The following ANKRD33B variants were observed in gnomAD, a reference collection of about 807,000 sequenced individuals.
ANKRD33B encodes the protein ankyrin repeat domain 33B, also known as ankyrin repeat domain-containing protein 33B.
ANKRD33B carries 6 observed loss-of-function variants against 21.5 expected under a neutral mutation model. The observed-to-expected ratio is 0.28, with a 90% CI of 0.15 to 0.55. The LOEUF (loss-of-function observed/expected upper bound fraction) is 0.55. ANKRD33B is among the 20% of genes least tolerant of loss of function. ANKRD33B has a pLI of 0.94. For missense variants in ANKRD33B, 698 were observed against 747.2 expected, an observed-to-expected ratio of 0.93 and a Z score of 0.77; for synonymous variants, 347 against 342.4, an observed-to-expected ratio of 1.01 and a Z score of -0.15.
chr5:10,627,803 A>G (rs1458439241), intron 2 of ANKRD33B: 1 of 152,170 alleles, frequency 6.6e-6, no homozygotes. Context: ...GCGTTGCCTT[A>G]TCTTTTCCTG....
At chr5:10,603,211 G>A (rs1735969811) in intron 1 of ANKRD33B, among the ~76,000 whole-genome samples, 6 of 151,976 alleles carry the variant, frequency 3.9e-5, no homozygotes. Context: ...GAATCCACTT[G>A]TGTAGTTAAG....
rs1009686119 is a variant in ANKRD33B, at chr5:10,564,311, A to G, written c.-157A>G. The G allele has an allele frequency of 4.1e-4, 164 of 396,598 alleles. No homozygotes were observed. The highest frequency in any genetic ancestry group is 4.5e-4 in the Non-Finnish European group (130 of 289,972). The allele number at this position is 396,598 out of a possible 1,614,324, so 24.6% of individuals were successfully genotyped here. On this transcript the variant is annotated 5_prime_UTR_variant, in exon 1 of 4. Transcript: ENST00000296657. ...CAGCCTCCGGAGACTTTTTTCTTTG[A>G]GCGCAGCCGCCTGGTGCCGGTTTCC...
At position 10,618,581 on chromosome 5, in the gene ANKRD33B, C is replaced by G. The variant is rs111366924; in HGVS notation, c.496+119C>G. On this transcript the variant is annotated intron_variant, in intron 2 of 3. Transcript: ENST00000296657. The stretch of plus-strand genomic sequence containing the variant: ...AATGATCAGAGACCATGTCCTGCTA[C>G]CAAGGGGTGCCAGGGAAGGGCTGAT... 101 of 1,360,352 alleles carry G rather than the reference C, an allele frequency of 7.4e-5. 2 individuals are homozygous for G. The African/African-American group carries it at 1.2e-3, about 16-fold the overall frequency. 84.3% of individuals were successfully genotyped at this position (1,360,352 alleles called of 1,614,324 possible). A position where few individuals can be genotyped will look rare whatever the true frequency, so the allele number is the denominator to read the frequency against.
chr5:10,605,070 C>T (rs971384282), intron 1 of ANKRD33B, among the ~76,000 whole-genome samples: 1 of 152,210 alleles, frequency 6.6e-6, no homozygotes, highest in South Asian at 2.1e-4. Flanking sequence ...GGCTCTCTCT[C>T]GTGGCTGGCA....
At chr5:10,569,599 A>AATAC (rs1275185370) in intron 1 of ANKRD33B, among the ~76,000 whole-genome samples, 1 of 151,344 alleles carries the variant, frequency 6.6e-6, no homozygotes, top group Non-Finnish European at 1.5e-5. Flanking sequence ...CGTGTTTGAA[A>AATAC]ATAAATAAAT....
At chr5:10,568,014 A>G (rs909384875) in intron 1 of ANKRD33B, among the ~76,000 whole-genome samples, 3 of 152,222 alleles carry the variant, frequency 2.0e-5, no homozygotes, top group Admixed American at 6.5e-5. Context: ...GCATTTAAGA[A>G]GGGAGCTTTG....
chr5:10,610,379 G>A (rs1191462713), intron 1 of ANKRD33B, among the ~76,000 whole-genome samples: 1 of 151,906 alleles, frequency 6.6e-6, no homozygotes, highest in Non-Finnish European at 1.5e-5. Context: ...TAGAGACCAG[G>A]GATTGCATAG....
chr5:10,617,916 A>G (rs1047533572), intron 1 of ANKRD33B, among the ~76,000 whole-genome samples: 3 of 152,162 alleles, frequency 2.0e-5, no homozygotes, highest in South Asian at 2.1e-4. Flanking sequence ...ACGGACCCCA[A>G]CATCACCTCT....
At chr5:10,622,662 T>C (rs185990251) in intron 2 of ANKRD33B, among the ~76,000 whole-genome samples, 1 of 152,208 alleles carries the variant, frequency 6.6e-6, no homozygotes, top group Non-Finnish European at 1.5e-5. Flanking sequence ...TTAAATTGTT[T>C]CCTAGGCACT....
Position 10,600,549 on chromosome 5 carries a change from T to G in ANKRD33B, c.367-17784T>G, listed in dbSNP as rs181230199. The stretch of plus-strand genomic sequence containing the variant: ...TCCCAAGTTTGATTATAGCAGACTT[T>G]GCTTATCTAGTCTCTTGATGAATAT... On this transcript the variant is annotated intron_variant, in intron 1 of 3. Transcript: ENST00000296657. Among the ~76,000 whole-genome samples the G allele has an allele frequency of 1.7e-4, 26 of 152,384 alleles. No homozygotes were observed. In the East Asian group the frequency reaches 4.6e-3, roughly 27 times the overall value.
chr5:10,605,737 C>T (rs556667637), intron 1 of ANKRD33B, among the ~76,000 whole-genome samples: 28 of 152,266 alleles, frequency 1.8e-4, no homozygotes, highest in African/African-American at 6.7e-4. Context: ...CCATGTTGGC[C>T]AGGCTGGTCT....
chr5:10,652,841 G>A lies in ANKRD33B; in HGVS notation c.*2728G>A, dbSNP rs1737391190. The A allele has an allele frequency of 7.0e-6, 2 of 286,826 alleles. No homozygotes were observed. Among genetic ancestry groups the A allele is most frequent in the South Asian group, 3.1e-5 (1 of 32,130 alleles). 17.8% of individuals were successfully genotyped at this position (286,826 alleles called of 1,614,324 possible). On this transcript the variant is annotated 3_prime_UTR_variant, in exon 4 of 4. Transcript: ENST00000296657. This position sits in a 1 kb window ranked among gnomAD's most constrained non-coding sequence, Gnocchi z 4.1. Reference sequence around the variant, plus strand: ...TGATGCTCCTGGTGTCCACAAAACAGCTCTAGAGATACCTGCATTTTGAAA... The same window carrying A: ...TGATGCTCCTGGTGTCCACAAAACAACTCTAGAGATACCTGCATTTTGAAA...
At chr5:10,639,111 G>A (rs1191298516) in intron 3 of ANKRD33B, among the ~76,000 whole-genome samples, 1 of 54,438 alleles carries the variant, frequency 1.8e-5, no homozygotes, top group Admixed American at 1.7e-4. Context: ...GCGGTGACGC[G>A]GAGTTGCGCG....
At position 10,656,889 on chromosome 5, in the gene ANKRD33B, A is replaced by G. The variant is rs1033333008; in HGVS notation, c.*6776A>G. 4 of 152,298 alleles carry G rather than the reference A, an allele frequency of 2.6e-5. No homozygotes were observed. Among genetic ancestry groups the G allele is most frequent in the African/African-American group, 9.7e-5 (4 of 41,424 alleles). 9.4% of individuals were successfully genotyped at this position (152,298 alleles called of 1,614,324 possible). On this transcript the variant is annotated 3_prime_UTR_variant, in exon 4 of 4. Transcript: ENST00000296657. The stretch of plus-strand genomic sequence containing the variant: ...GGTATTTCCCCAAGTCTGCCTATGT[A>G]TTAGACACTCTAATCAATGCTAACA...
In ANKRD33B at chr5:10,650,133, T is replaced by C; in HGVS notation, c.*20T>C. ...ACGTGAGGGCCCGTGTGCCTGGCGC[T>C]GGGGCCGGGGCTGGGGCCGGGGCGG... On this transcript the variant is annotated 3_prime_UTR_variant, in exon 4 of 4. Transcript: ENST00000296657. The C allele has an allele frequency of 1.4e-6, 2 of 1,447,762 alleles. No homozygotes were observed. The highest frequency in any genetic ancestry group is 9.1e-7 in the Non-Finnish European group (1 of 1,101,808). The allele number at this position is 1,447,762 out of a possible 1,614,324, so 89.7% of individuals were successfully genotyped here.
chr5:10,574,219 A>G (rs1203602234), intron 1 of ANKRD33B, among the ~76,000 whole-genome samples: 2 of 152,264 alleles, frequency 1.3e-5, no homozygotes, highest in Non-Finnish European at 2.9e-5. Context: ...ACTTTTCTAC[A>G]TATTTCTTTC....
chr5:10,644,355 G>T (rs182322006), intron 3 of ANKRD33B, among the ~76,000 whole-genome samples: 1 of 152,186 alleles, frequency 6.6e-6, no homozygotes, highest in Non-Finnish European at 1.5e-5. Flanking sequence ...CACAGTGACA[G>T]GTCTATTTAA....
chr5:10,623,921 GA>G (rs1466038983), intron 2 of ANKRD33B, among the ~76,000 whole-genome samples: 1 of 152,116 alleles, frequency 6.6e-6, no homozygotes, highest in Non-Finnish European at 1.5e-5. Context: ...TGTTTGGGGG[GA>G]AAATGACCCC....
chr5:10,589,951 CTT>C (rs56400636), intron 1 of ANKRD33B, among the ~76,000 whole-genome samples: 2 of 145,264 alleles, frequency 1.4e-5, no homozygotes, highest in African/African-American at 2.5e-5. Flanking sequence ...TCTTTTAAAT[CTT>C]TTTTTTTTTT....
Sources: gnomAD v4.1 joint callset for allele counts (sites outside exome capture counted in the v4.1 genomes callset) on GRCh38, gnomAD v4.1.1 for gene constraint, Gnocchi (gnomAD v3.1) non-coding constraint, MANE v1.5 for transcripts, NCBI Gene and HGNC (gene_info 2026-07-23, HGNC 2026-07-21) for gene names.